The following ZFPM2 variants were observed in gnomAD, a reference collection of about 807,000 sequenced individuals.
The protein encoded by ZFPM2 is zinc finger protein ZFPM2.
A neutral mutation model predicts 98.6 loss-of-function variants in ZFPM2; 20 were observed. That is an observed-to-expected ratio of 0.20 (90% confidence interval 0.14 to 0.29). ZFPM2 has a LOEUF of 0.29. Among genes scored for constraint, ZFPM2 ranks in the 10% least tolerant of loss-of-function variants. The probability of loss-of-function intolerance (pLI) is 1.00; values close to 1 mark genes in which losing one functional copy is unlikely to be tolerated. For synonymous variants in ZFPM2, 518 were observed against 502.7 expected (o/e 1.03, Z -0.41); for missense variants, 1,310 against 1,388.6 (o/e 0.94, Z 0.90).
intron 3 of ZFPM2, among the ~76,000 whole-genome samples, chr8:105,480,351 C>T (rs531759071): frequency 3.9e-5 from 6 of 152,164 alleles, no homozygotes; most frequent in Non-Finnish European, 8.8e-5. Flanking sequence ...CATTCATGCA[C>T]GTATCTGCCA....
intron 5 of ZFPM2, among the ~76,000 whole-genome samples, chr8:105,686,365 A>G (rs968972468): frequency 6.6e-6 from 1 of 151,958 alleles, no homozygotes; most frequent in Non-Finnish European, 1.5e-5. Context: ...TCTGAGACTA[A>G]TGCTGCATCT....
intron 4 of ZFPM2, chr8:105,616,622 A>C (rs2130807959): frequency 3.0e-6 from 1 of 333,628 alleles, no homozygotes; most frequent in Non-Finnish European, 5.9e-6. Context: ...TAAGTGATTT[A>C]TAAGCGTTAT....
chr8:105,702,141 G>A (rs1434149843), intron 5 of ZFPM2, among the ~76,000 whole-genome samples: 1 of 152,184 alleles, frequency 6.6e-6, no homozygotes, highest in Non-Finnish European at 1.5e-5. Context: ...TTAAAGGGCT[G>A]CTTCTTTGTG....
intron 3 of ZFPM2, among the ~76,000 whole-genome samples, chr8:105,483,637 T>C (rs1813168657): frequency 6.6e-6 from 1 of 152,120 alleles, no homozygotes; most frequent in African/African-American, 2.4e-5. Flanking sequence ...CATAGATCTT[T>C]GAAGATATAA....
intron 1 of ZFPM2, among the ~76,000 whole-genome samples, chr8:105,398,555 A>G (rs1563640597): frequency 6.6e-6 from 1 of 152,100 alleles, no homozygotes; most frequent in East Asian, 1.9e-4. Context: ...AATGGGTTTC[A>G]GGATAAAACG....
intron 1 of ZFPM2, among the ~76,000 whole-genome samples, chr8:105,381,605 A>G (rs1810891252): frequency 6.6e-6 from 1 of 152,148 alleles, no homozygotes; most frequent in Admixed American, 6.6e-5. Context: ...GTGGGTCAGG[A>G]AACACATTTG....
At chr8:105,732,137 T>C (rs1811955922) in intron 5 of ZFPM2, among the ~76,000 whole-genome samples, 1 of 151,698 alleles carries the variant, frequency 6.6e-6, no homozygotes, top group African/African-American at 2.4e-5. Context: ...AAATGGCAGC[T>C]GTCCCCCTAT....
Position 105,318,887 on chromosome 8 carries a change from G to T in ZFPM2, c.-55G>T. 4 of 819,282 alleles carry T rather than the reference G, an allele frequency of 4.9e-6. No individual in the cohort carries two copies. Among genetic ancestry groups the T allele is most frequent in the East Asian group, 6.0e-5 (1 of 16,732 alleles). 50.8% of individuals were successfully genotyped at this position (819,282 alleles called of 1,614,324 possible). ...CGGCGGCGGCGGGAGCCGAGGGAGCGGCAGCCGCGACCGCGGGCACCGCGG... is the reference window on the plus strand; with the variant it reads ...CGGCGGCGGCGGGAGCCGAGGGAGCTGCAGCCGCGACCGCGGGCACCGCGG... On this transcript the variant is annotated 5_prime_UTR_variant, in exon 1 of 8. Coordinates refer to ENST00000407775, the MANE Select transcript of ZFPM2 (RefSeq NM_012082.4).
chr8:105,410,872 T>C (rs1375609015), intron 1 of ZFPM2, among the ~76,000 whole-genome samples: 1 of 151,864 alleles, frequency 6.6e-6, no homozygotes, highest in African/African-American at 2.4e-5. Context: ...ACGTCCTACA[T>C]TCATGCTTTT....
In ZFPM2 at chr8:105,768,139, T is replaced by C. The variant is rs190367351; in HGVS notation, c.533-20579T>C. Among the ~76,000 whole-genome samples the C allele has an allele frequency of 3.2e-3, 484 of 151,842 alleles. 2 individuals carry two copies. The highest frequency in any genetic ancestry group is 5.3e-3 in the Non-Finnish European group (362 of 67,810). The stretch of plus-strand genomic sequence containing the variant: ...CTCTCTCTCTCCGTCTCTCTTTACT[T>C]TTGGGTGACATTAATTTGTACTGTA... On this transcript the variant is annotated intron_variant, in intron 5 of 7. Coordinates refer to ENST00000407775, the MANE Select transcript of ZFPM2 (RefSeq NM_012082.4).
intron 5 of ZFPM2, among the ~76,000 whole-genome samples, chr8:105,755,524 A>G (rs531853903): frequency 6.6e-6 from 1 of 152,274 alleles, no homozygotes; most frequent in African/African-American, 2.4e-5. Context: ...CATTTAGACA[A>G]GGCATTAAAA....
chr8:105,678,207 G>C (rs148996776), intron 5 of ZFPM2, among the ~76,000 whole-genome samples: 102 of 152,262 alleles, frequency 6.7e-4, no homozygotes, highest in African/African-American at 2.4e-3. Flanking sequence ...TTAGGCTTCT[G>C]TTGTGCATTT....
chr8:105,609,060 A>T (rs185591208), intron 4 of ZFPM2, among the ~76,000 whole-genome samples: 6 of 152,052 alleles, frequency 3.9e-5, no homozygotes, highest in South Asian at 2.1e-4. Context: ...ACACACAATT[A>T]AAAAAAAGCA....
intron 5 of ZFPM2, among the ~76,000 whole-genome samples, chr8:105,680,055 A>G (rs928953864): frequency 6.6e-6 from 1 of 152,158 alleles, no homozygotes; most frequent in African/African-American, 2.4e-5. Context: ...ATTAAACTGC[A>G]TTTCCCTCTA....
intron 5 of ZFPM2, among the ~76,000 whole-genome samples, chr8:105,670,735 T>C (rs1310808818): frequency 1.3e-5 from 2 of 152,176 alleles, no homozygotes; most frequent in African/African-American, 4.8e-5. Flanking sequence ...GACTTATCTT[T>C]TACTTCTTGG....
intron 5 of ZFPM2, chr8:105,785,328 C>A (rs1563563039): frequency 6.8e-6 from 1 of 146,870 alleles, no homozygotes; most frequent in East Asian, 1.9e-4. Context: ...ACACACAACA[C>A]ACACACACGC....
At chr8:105,429,414 G>A (rs1811975754) in intron 2 of ZFPM2, among the ~76,000 whole-genome samples, 1 of 144,858 alleles carries the variant, frequency 6.9e-6, no homozygotes, top group Non-Finnish European at 1.5e-5. Context: ...ACCTAAGAAG[G>A]GAAAGAAAAC....
chr8:105,628,848 G>A (rs570186572), intron 4 of ZFPM2, among the ~76,000 whole-genome samples: 51 of 152,190 alleles, frequency 3.4e-4, no homozygotes, highest in South Asian at 1.5e-3. Flanking sequence ...TGGGAGCCAC[G>A]AGTGAGGATA....
At chr8:105,474,139 T>TA (rs1261809641) in intron 3 of ZFPM2, among the ~76,000 whole-genome samples, 1 of 152,244 alleles carries the variant, frequency 6.6e-6, no homozygotes, top group Non-Finnish European at 1.5e-5. Flanking sequence ...TGCTCCCGAA[T>TA]AAAATCTAAG....
Sources: allele counts gnomAD v4.1 joint callset (sites outside exome capture counted in the v4.1 genomes callset), GRCh38; gene constraint gnomAD v4.1.1; transcripts MANE v1.5; gene names NCBI Gene and HGNC (gene_info 2026-07-23, HGNC 2026-07-21).